Variants in STYK1 observed in about 807,000 individuals in gnomAD.
The protein encoded by STYK1 is tyrosine-protein kinase STYK1.
STYK1 carries 46 observed loss-of-function variants against 48.1 expected under a neutral mutation model. The ratio of observed to expected loss-of-function variants is 0.96; its 90% CI spans 0.75 to 1.22. The LOEUF (loss-of-function observed/expected upper bound fraction) is 1.22, where lower values mean the gene tolerates loss of function less well. Among genes scored for constraint, STYK1 ranks in the 50% most tolerant of loss-of-function variants. STYK1 has a pLI of 0.00. For missense variants in STYK1, 527 were observed against 521.1 expected (o/e 1.01, Z -0.11); for synonymous variants, 188 against 189.0 (o/e 0.99, Z 0.04).
intron 1 of STYK1, among the ~76,000 whole-genome samples, chr12:10,642,271 A>G (rs1329781524): frequency 1.3e-5 from 2 of 152,220 alleles, no homozygotes; most frequent in East Asian, 3.8e-4. Flanking sequence ...TTCCTGTGCT[A>G]TAATGGTAAG....
At chr12:10,622,933 A>G (rs1384608933) in intron 8 of STYK1, among the ~76,000 whole-genome samples, 1 of 152,190 alleles carries the variant, frequency 6.6e-6, no homozygotes, top group Non-Finnish European at 1.5e-5. Flanking sequence ...GATGTTTGTT[A>G]TTATTTGCAA....
At chr12:10,665,134 A>G (rs535035768) in intron 1 of STYK1, among the ~76,000 whole-genome samples, 9 of 152,216 alleles carry the variant, frequency 5.9e-5, no homozygotes, top group Non-Finnish European at 1.2e-4. Flanking sequence ...TTCAAGAAAG[A>G]ACGCAAACAC....
Position 10,648,649 on chromosome 12 carries a change from A to G in STYK1, c.-194-11453T>C, listed in dbSNP as rs574938504. 1.7e-4 allele frequency among the ~76,000 whole-genome samples: 26 copies of G among 152,100 alleles called. No individual in the cohort carries two copies. In the South Asian group the frequency reaches 5.2e-3, roughly 30 times the overall value. On this transcript the variant is annotated intron_variant, in intron 1 of 10. Coordinates refer to ENST00000075503, the MANE Select transcript of STYK1 (RefSeq NM_018423.3). ...TATTTATTTATTTTTAAATTTTTTG[A>G]GCTGGGGTCTCACTCTGTTGTCCAG...
At chr12:10,621,821 G>C in intron 10 of STYK1, 55 bp downstream of exon 10, 1 of 1,526,690 alleles carries the variant, frequency 6.6e-7, no homozygotes, top group Non-Finnish European at 9.1e-7. Context: ...ACGATTGATA[G>C]AGGGCTAAAC....
At chr12:10,646,599 G>A (rs1311716462) in intron 1 of STYK1, among the ~76,000 whole-genome samples, 1 of 152,220 alleles carries the variant, frequency 6.6e-6, no homozygotes, top group Non-Finnish European at 1.5e-5. Flanking sequence ...CCCATTTTCT[G>A]AGGAGAAATT....
Position 10,664,050 on chromosome 12 carries a change from C to T in STYK1, c.-195+9916G>A, listed in dbSNP as rs529484390. ...CGAAAGAATCTGTCCTAGAACAGGT[C>T]GGGCAACAAATGCCTCCCAGTCCCA... On this transcript the variant is annotated intron_variant, in intron 1 of 10. Transcript: ENST00000075503. Among the ~76,000 whole-genome samples the T allele has an allele frequency of 5.9e-5, 9 of 152,300 alleles. No homozygotes were observed. The East Asian group carries it at 1.3e-3, about 23-fold the overall frequency.
chr12:10,653,421 A>T (rs1214067223), intron 1 of STYK1, among the ~76,000 whole-genome samples: 1 of 152,176 alleles, frequency 6.6e-6, no homozygotes, highest in African/African-American at 2.4e-5. Context: ...GTACAAATAC[A>T]AGATCTTATG....
At chr12:10,644,607 T>A (rs1359911494) in intron 1 of STYK1, among the ~76,000 whole-genome samples, 2 of 152,196 alleles carry the variant, frequency 1.3e-5, no homozygotes, top group African/African-American at 4.8e-5. Context: ...ATTGTGAAAC[T>A]AATAATTTCA....
Position 10,620,168 on chromosome 12 carries a change from G to T in STYK1, c.1245C>A (p.Leu415=). 1 of 1,614,214 alleles carries T rather than the reference G, an allele frequency of 6.2e-7. No homozygotes were observed. Among genetic ancestry groups the T allele is most frequent in the Non-Finnish European group, 8.5e-7 (1 of 1,180,044 alleles). ...AAVAGIRVES[L]FYNYSML is the part of the protein sequence containing the mutation. ...TTCAAAGCATGCTATAGTTGTAGAA[G>T]AGGCTCTCCACTCTGATGCCGGCCA... is the stretch of plus-strand genomic sequence containing the variant. The change falls in exon 11 of 11, where the codon CTC becomes CTA. Residue 415 remains leucine (L), a synonymous_variant. Transcript: ENST00000075503.
rs1403584983 is a variant in STYK1, at chr12:10,634,059, G to A, written c.118C>T (p.Leu40Phe). 1 of 1,614,134 alleles carries A rather than the reference G, an allele frequency of 6.2e-7. No individual in the cohort carries two copies. The highest frequency in any genetic ancestry group is 1.7e-5 in the Admixed American group (1 of 60,016). Residue 40 changes from leucine (L) to phenylalanine (F), a missense_variant, in exon 4 of 11, where the codon CTT becomes TTT. Coordinates refer to ENST00000075503, the MANE Select transcript of STYK1 (RefSeq NM_018423.3). The stretch of plus-strand genomic sequence containing the variant: ...AAAAGCCACAGGATGACCCCAAGAA[G>A]GATGAGGAAGATAGTAACCAACAAA... ...PTLLVTIFLI[L>F]LGVILWLFIR...
In STYK1 at chr12:10,667,316, G is replaced by C. The variant is rs184687298; in HGVS notation, c.-195+6650C>G. On this transcript the variant is annotated intron_variant, in intron 1 of 10. Coordinates refer to ENST00000075503, the MANE Select transcript of STYK1 (RefSeq NM_018423.3). Reference sequence around the variant, plus strand: ...TCGATTTGCTCTGACCATGTCAATTGTTAAGAATTAGCTGTCAGCTGACCT... The same window carrying C: ...TCGATTTGCTCTGACCATGTCAATTCTTAAGAATTAGCTGTCAGCTGACCT... 1.5e-3 allele frequency: 234 copies of C among 152,220 alleles called. 1 individual carries two copies. Among genetic ancestry groups the C allele is most frequent in the African/African-American group, 5.3e-3 (221 of 41,514 alleles). 9.4% of individuals were successfully genotyped at this position (152,220 alleles called of 1,614,324 possible).
rs548388839 is a variant in STYK1, at chr12:10,627,231, C to T, written c.717+410G>A. Among the ~76,000 whole-genome samples the T allele has an allele frequency of 4.8e-4, 73 of 152,246 alleles. 1 individual carries two copies. In the South Asian group the frequency reaches 6.4e-3, roughly 13 times the overall value. ...ATTGCATACTTCCTTCTGGTTCTGT[C>T]GCCTTTCACCCATTCAGTTTCTCTT... On this transcript the variant is annotated intron_variant, in intron 7 of 10. Coordinates refer to ENST00000075503, the MANE Select transcript of STYK1 (RefSeq NM_018423.3).
chr12:10,631,354 A>T, intron 4 of STYK1, 46 bp from the exon 5 acceptor site: 1 of 1,596,762 alleles, frequency 6.3e-7, no homozygotes, highest in Non-Finnish European at 8.6e-7. Flanking sequence ...CGCCCTGGGG[A>T]TCCCGGAAAG....
chr12:10,635,006 G>T (rs1947470493), intron 2 of STYK1, among the ~76,000 whole-genome samples: 1 of 152,110 alleles, frequency 6.6e-6, no homozygotes, highest in Admixed American at 6.5e-5. Context: ...ATCAAGTACA[G>T]ATTCAAAACA....
intron 1 of STYK1, among the ~76,000 whole-genome samples, chr12:10,650,808 C>A (rs1565569866): frequency 1.3e-5 from 2 of 151,896 alleles, no homozygotes; most frequent in African/African-American, 4.8e-5. Context: ...CGAGACCAGC[C>A]TGGCCAACAT....
At chr12:10,670,925 G>T (rs1014485988) in intron 1 of STYK1, among the ~76,000 whole-genome samples, 1 of 149,054 alleles carries the variant, frequency 6.7e-6, no homozygotes, top group Non-Finnish European at 1.5e-5. Flanking sequence ...GAAAGCTCAG[G>T]TACAGTAGGC....
At position 10,653,761 on chromosome 12, in the gene STYK1, C is replaced by A. The variant is rs114826612; in HGVS notation, c.-194-16565G>T. Among the ~76,000 whole-genome samples the A allele has an allele frequency of 8.8e-3, 1,336 of 152,256 alleles. 21 individuals carry two copies. Among genetic ancestry groups the A allele is most frequent in the African/African-American group, 0.03 (1,252 of 41,548 alleles). ...AGGTATATGAATATTGCTAGCAATA[C>A]CTGCTACCCTCATGGATTCTTGACT... On this transcript the variant is annotated intron_variant, in intron 1 of 10. Coordinates refer to ENST00000075503, the MANE Select transcript of STYK1 (RefSeq NM_018423.3).
intron 8 of STYK1, among the ~76,000 whole-genome samples, 193 bp downstream of exon 8, chr12:10,624,457 GA>G (rs1311427250): frequency 6.6e-6 from 1 of 151,808 alleles, no homozygotes; most frequent in African/African-American, 2.4e-5. Context: ...AGAAAAAGTT[GA>G]AAAAGTACCA....
intron 1 of STYK1, among the ~76,000 whole-genome samples, chr12:10,640,194 G>A (rs1947528552): frequency 1.3e-5 from 2 of 152,086 alleles, no homozygotes; most frequent in Admixed American, 1.3e-4. Flanking sequence ...ATCTTTCACT[G>A]TGAGCATGAG....
Sources: allele counts gnomAD v4.1 joint callset (sites outside exome capture counted in the v4.1 genomes callset), GRCh38; gene constraint gnomAD v4.1.1; transcripts MANE v1.5; gene names NCBI Gene and HGNC (gene_info 2026-07-23, HGNC 2026-07-21).